The following TOX variants were observed in gnomAD, a reference collection of about 807,000 sequenced individuals.
TOX encodes thymocyte selection associated high mobility group box, also known as thymocyte selection-associated high mobility group box protein TOX.
Under a neutral mutation model 53.7 loss-of-function variants are expected in TOX, and 11 were observed. The observed-to-expected ratio is 0.20, with a 90% CI of 0.13 to 0.34. The LOEUF (loss-of-function observed/expected upper bound fraction) is 0.34, where lower values mean the gene tolerates loss of function less well. Among genes scored for constraint, TOX ranks in the 10% least tolerant of loss-of-function variants. The probability of loss-of-function intolerance (pLI) is 1.00; values close to 1 mark genes in which losing one functional copy is unlikely to be tolerated. For synonymous variants in TOX, 225 were observed against 245.3 expected (o/e 0.92, Z 0.77); for missense variants, 570 against 664.6 (o/e 0.86, Z 1.56).
chr8:59,051,472 C>G (rs542244639), intron 1 of TOX, among the ~76,000 whole-genome samples: 1 of 152,122 alleles, frequency 6.6e-6, no homozygotes, highest in African/African-American at 2.4e-5. Flanking sequence ...CGCCAGAAAT[C>G]TTTACAGTAA....
At chr8:58,809,871 C>T (rs1308120291) in intron 7 of TOX, among the ~76,000 whole-genome samples, 1 of 152,152 alleles carries the variant, frequency 6.6e-6, no homozygotes, top group African/African-American at 2.4e-5. Context: ...GGGCCTAGCC[C>T]ATAATAGTGG....
intron 1 of TOX, among the ~76,000 whole-genome samples, chr8:59,061,724 T>A (rs552209444): frequency 5.3e-4 from 80 of 151,900 alleles, no homozygotes; most frequent in African/African-American, 1.9e-3. Context: ...CACTTTCCTA[T>A]ATATATCTAG....
At chr8:58,919,018 AAGG>A (rs1466641755) in intron 3 of TOX, among the ~76,000 whole-genome samples, 17 of 145,712 alleles carry the variant, frequency 1.2e-4, no homozygotes, top group African/African-American at 3.8e-4. Context: ...GGACCTCTTC[AAGG>A]AGAACTACAA....
At chr8:58,913,840 A>G (rs113010043) in intron 3 of TOX, among the ~76,000 whole-genome samples, 1 of 152,330 alleles carries the variant, frequency 6.6e-6, no homozygotes, top group African/African-American at 2.4e-5. Flanking sequence ...ATTTGGATTT[A>G]TTTACATTAA....
intron 1 of TOX, among the ~76,000 whole-genome samples, chr8:59,079,067 AG>A: frequency 1.3e-5 from 2 of 152,290 alleles, no homozygotes; most frequent in Middle Eastern, 3.4e-3. Flanking sequence ...TAAGCAGCAA[AG>A]TGTTTAAGAG....
intron 3 of TOX, among the ~76,000 whole-genome samples, chr8:58,895,178 A>C (rs1811622409): frequency 6.6e-6 from 1 of 152,036 alleles, no homozygotes; most frequent in Admixed American, 6.6e-5. Flanking sequence ...ATATAGTGAG[A>C]CTCTGTCTCC....
intron 3 of TOX, among the ~76,000 whole-genome samples, chr8:58,901,949 T>C (rs1232566210): frequency 6.6e-6 from 1 of 152,234 alleles, no homozygotes; most frequent in Non-Finnish European, 1.5e-5. Flanking sequence ...ACCATGGATA[T>C]CTTCCACATT....
At chr8:58,821,010 C>G (rs1810266059) in intron 6 of TOX, among the ~76,000 whole-genome samples, 2 of 152,140 alleles carry the variant, frequency 1.3e-5, no homozygotes, top group Admixed American at 6.6e-5. Flanking sequence ...ATATGACCTT[C>G]AATAGCGTGT....
chr8:58,852,483 T>C (rs1810840924), intron 3 of TOX, among the ~76,000 whole-genome samples: 1 of 152,216 alleles, frequency 6.6e-6, no homozygotes, highest in Middle Eastern at 3.2e-3. Flanking sequence ...CATTATGCTA[T>C]CTGAGTCACT....
chr8:58,850,990 A>C (rs1424999098), intron 4 of TOX, among the ~76,000 whole-genome samples: 1 of 152,174 alleles, frequency 6.6e-6, no homozygotes, highest in African/African-American at 2.4e-5. Context: ...ACAAATAAAC[A>C]ACTATATTGG....
rs1424332439 is a variant in TOX at position 58,806,601 on chromosome 8, A to C, written c.*1146T>G. The C allele has an allele frequency of 6.6e-6, 1 of 152,614 alleles. No individual in the cohort carries two copies. The highest frequency in any genetic ancestry group is 1.5e-5 in the Non-Finnish European group (1 of 68,030). 9.5% of individuals were successfully genotyped at this position (152,614 alleles called of 1,614,324 possible). A position where few individuals can be genotyped will look rare whatever the true frequency, so the allele number is the denominator to read the frequency against. On this transcript the variant is annotated 3_prime_UTR_variant, in exon 9 of 9. Transcript: ENST00000361421. Reference sequence around the variant, plus strand: ...TTAAATATAATAGTTTTTTGTTTGCATCAACCAAAGAAATGCAGAAATAAG... The same window carrying C: ...TTAAATATAATAGTTTTTTGTTTGCCTCAACCAAAGAAATGCAGAAATAAG...
intron 1 of TOX, among the ~76,000 whole-genome samples, chr8:58,960,908 T>C (rs779715859): frequency 4.6e-5 from 7 of 152,302 alleles, no homozygotes; most frequent in Non-Finnish European, 8.8e-5. Context: ...TTTTCCAAGG[T>C]AATAATCAAA....
intron 1 of TOX, among the ~76,000 whole-genome samples, chr8:59,112,671 G>A (rs1035989847): frequency 1.3e-5 from 2 of 152,124 alleles, no homozygotes; most frequent in African/African-American, 4.8e-5. Context: ...AATACCTTGG[G>A]TAAACATGCA....
At chr8:58,837,005 G>T (rs1373067695) in intron 5 of TOX, among the ~76,000 whole-genome samples, 1 of 152,102 alleles carries the variant, frequency 6.6e-6, no homozygotes. Context: ...TGAGTATTGA[G>T]TAGAACAAAT....
intron 1 of TOX, among the ~76,000 whole-genome samples, chr8:59,046,515 AG>A: frequency 6.6e-6 from 1 of 152,322 alleles, no homozygotes; most frequent in Admixed American, 6.5e-5. Flanking sequence ...ATTTACAAAT[AG>A]GGAACAATTG....
chr8:59,050,887 T>A (rs1167723112), intron 1 of TOX, among the ~76,000 whole-genome samples: 1 of 152,190 alleles, frequency 6.6e-6, no homozygotes, highest in Non-Finnish European at 1.5e-5. Flanking sequence ...GTAATCCTGA[T>A]AAAGTCATTA....
chr8:58,843,038 T>G (rs1340640363), intron 4 of TOX, among the ~76,000 whole-genome samples: 1 of 152,200 alleles, frequency 6.6e-6, no homozygotes, highest in African/African-American at 2.4e-5. Context: ...TATATCTGAT[T>G]GAGTACCTGA....
intron 1 of TOX, among the ~76,000 whole-genome samples, chr8:59,037,232 T>C (rs1803487102): frequency 6.6e-6 from 1 of 152,010 alleles, no homozygotes; most frequent in Non-Finnish European, 1.5e-5. Context: ...TCCTTGCTTG[T>C]TTTTTCACAC....
chr8:58,903,353 A>G (rs981019202), intron 3 of TOX, among the ~76,000 whole-genome samples: 1 of 152,156 alleles, frequency 6.6e-6, no homozygotes, highest in South Asian at 2.1e-4. Context: ...TCCCAGGGTA[A>G]ATGTAGCTCT....
Sources: allele counts gnomAD v4.1 joint callset (sites outside exome capture counted in the v4.1 genomes callset), GRCh38; gene constraint gnomAD v4.1.1; transcripts MANE v1.5; gene names NCBI Gene and HGNC (gene_info 2026-07-23, HGNC 2026-07-21).